Variants in TLK1 observed in about 807,000 individuals in gnomAD.
TLK1 encodes the protein serine/threonine-protein kinase tousled-like 1.
A neutral mutation model predicts 105.3 loss-of-function variants in TLK1; 24 were observed. The observed-to-expected ratio is 0.23, with a 90% CI of 0.17 to 0.32. The LOEUF is 0.32. Ranked by LOEUF, TLK1 falls within the 10% of genes least tolerant of loss-of-function variation. The probability of loss-of-function intolerance (pLI) is 1.00; values close to 1 mark genes in which losing one functional copy is unlikely to be tolerated. For missense variants in TLK1, 558 were observed against 910.5 expected (o/e 0.61, Z 4.98); for synonymous variants, 321 against 310.4 (o/e 1.03, Z -0.36).
At chr2:171,153,196 T>A (rs1268802772) in intron 1 of TLK1, among the ~76,000 whole-genome samples, 2 of 152,302 alleles carry the variant, frequency 1.3e-5, no homozygotes, top group Non-Finnish European at 1.5e-5. Flanking sequence ...CAAATCCCCA[T>A]CATGTACTAC....
chr2:171,131,632 A>C (rs1160392530), intron 1 of TLK1, among the ~76,000 whole-genome samples: 2 of 152,210 alleles, frequency 1.3e-5, no homozygotes, highest in Non-Finnish European at 2.9e-5. Flanking sequence ...CTTATGAACA[A>C]AAGGATATTT....
chr2:171,152,016 G>C (rs946753078), intron 1 of TLK1, among the ~76,000 whole-genome samples: 3 of 152,178 alleles, frequency 2.0e-5, no homozygotes, highest in African/African-American at 7.2e-5. Context: ...AAACCCCTCT[G>C]ACCTTCACCA....
chr2:171,160,298 G>C lies in TLK1; in HGVS notation c.131C>G (p.Pro44Arg). Residue 44 changes from proline (P) to arginine (R), a missense_variant, in exon 1 of 21, where the codon CCC becomes CGC. By Grantham distance (103) the Pro-to-Arg change is moderately radical (BLOSUM62 -2). Transcript: ENST00000431350. The surrounding 1 kb of genome is among the most constrained non-coding windows in gnomAD (Gnocchi z 4.4). ...GGCGCGGCGGTGCTTACCTTCCCTG[G>C]GCCTCCCGGATGGCGGCGTGTGATT... is the stretch of plus-strand genomic sequence containing the variant. Reference protein sequence around the residue: ...LLNHTPPSGRPREGAMDELHS... With the variant: ...LLNHTPPSGRRREGAMDELHS... 6.3e-7 allele frequency: 1 copy of C among 1,583,650 alleles called. No homozygotes were observed. Among genetic ancestry groups the C allele is most frequent in the South Asian group, 1.1e-5 (1 of 88,066 alleles).
chr2:171,112,163 G>A (rs1690204590), intron 2 of TLK1, among the ~76,000 whole-genome samples: 1 of 152,276 alleles, frequency 6.6e-6, no homozygotes, highest in African/African-American at 2.4e-5. Flanking sequence ...TATTGGCCAG[G>A]CTGTTCTCAA....
intron 1 of TLK1, among the ~76,000 whole-genome samples, chr2:171,223,941 G>T (rs1057424579): frequency 1.3e-5 from 2 of 151,768 alleles, no homozygotes; most frequent in Non-Finnish European, 2.9e-5. Context: ...CTGTCCAAAA[G>T]CTTTTTAGTT....
intron 1 of TLK1, among the ~76,000 whole-genome samples, chr2:171,221,493 A>T (rs1461445646): frequency 6.6e-6 from 1 of 152,198 alleles, no homozygotes; most frequent in East Asian, 1.9e-4. Context: ...TAAAAATCCA[A>T]AGCTTTCCAT....
chr2:171,124,205 C>T (rs1690777637), intron 1 of TLK1, among the ~76,000 whole-genome samples: 1 of 152,202 alleles, frequency 6.6e-6, no homozygotes, highest in African/African-American at 2.4e-5. Flanking sequence ...ACTTCTTTGA[C>T]AGCTTGAGAA....
In TLK1 at chr2:171,058,208, A is replaced by G. The variant is rs182943770; in HGVS notation, c.407-11T>C. The G allele has an allele frequency of 9.2e-5, 148 of 1,613,434 alleles. No individual in the cohort carries two copies. In the African/African-American group the frequency reaches 1.8e-3, roughly 20 times the overall value. ...CCCCAATACTTTTTCCTAAAATATA[A>G]GAAGCGCATGATGTTAGTAGGGTAG... On this transcript the variant is annotated splice_polypyrimidine_tract_variant and intron_variant, in intron 4 of 20. Transcript: ENST00000431350.
At chr2:171,093,481 T>C (rs1200592191) in intron 2 of TLK1, among the ~76,000 whole-genome samples, 1 of 152,178 alleles carries the variant, frequency 6.6e-6, no homozygotes, top group Non-Finnish European at 1.5e-5. Flanking sequence ...GTGAACTGTA[T>C]GTTCAAAGGA....
At chr2:171,178,422 A>G (rs1018406297) in intron 1 of TLK1, among the ~76,000 whole-genome samples, 3 of 152,200 alleles carry the variant, frequency 2.0e-5, no homozygotes, top group African/African-American at 7.2e-5. Context: ...TCAGTTACAG[A>G]CAGGAGCTTA....
chr2:171,136,406 AATAC>A (rs1691326133), intron 1 of TLK1, among the ~76,000 whole-genome samples: 2 of 152,208 alleles, frequency 1.3e-5, no homozygotes, highest in Non-Finnish European at 2.9e-5. Context: ...CAACAACAGG[AATAC>A]ACTTAACACT....
intron 1 of TLK1, among the ~76,000 whole-genome samples, chr2:171,226,947 G>C (rs999142850): frequency 7.2e-5 from 11 of 152,110 alleles, no homozygotes; most frequent in African/African-American, 2.7e-4. Flanking sequence ...TTTTTAAAAT[G>C]GAATTAGAAA....
Position 171,123,034 on chromosome 2 carries a change from A to G in TLK1, c.140-5177T>C, listed in dbSNP as rs928940086. Among the ~76,000 whole-genome samples the G allele has an allele frequency of 3.6e-5, 5 of 140,346 alleles. No homozygotes were observed. In the Admixed American group the frequency reaches 3.8e-4, roughly 11 times the overall value. The allele number at this position is 140,346 out of a possible 152,430, so 92.1% of individuals were successfully genotyped here. Reference sequence around the variant, plus strand: ...AGCCTGGGTGACAAGAGAAGACCCTATATGAAAAAATAAATAAATAAATAC... The same window carrying G: ...AGCCTGGGTGACAAGAGAAGACCCTGTATGAAAAAATAAATAAATAAATAC... On this transcript the variant is annotated intron_variant, in intron 1 of 20. Transcript: ENST00000431350.
intron 12 of TLK1, among the ~76,000 whole-genome samples, chr2:171,018,744 C>G (rs1685327535): frequency 6.6e-6 from 1 of 152,146 alleles, no homozygotes; most frequent in Admixed American, 6.5e-5. Flanking sequence ...GTCCTGAATT[C>G]ATACACTAGC....
At chr2:171,086,795 T>G (rs1299155139) in intron 2 of TLK1, among the ~76,000 whole-genome samples, 1 of 152,138 alleles carries the variant, frequency 6.6e-6, no homozygotes, top group Admixed American at 6.5e-5. Context: ...TCTTACTGGC[T>G]TGAAAAACAA....
At chr2:171,034,190 T>C (rs889236556) in intron 11 of TLK1, among the ~76,000 whole-genome samples, 2 of 152,110 alleles carry the variant, frequency 1.3e-5, no homozygotes, top group African/African-American at 4.8e-5. Context: ...CGGTGCAGAA[T>C]GGAAAATAAG....
At chr2:171,168,497 G>A (rs887643138) in intron 1 of TLK1, among the ~76,000 whole-genome samples, 5 of 152,278 alleles carry the variant, frequency 3.3e-5, no homozygotes, top group South Asian at 4.2e-4. Flanking sequence ...TATTCAGGGC[G>A]CTGTGGCTCA....
intron 3 of TLK1, among the ~76,000 whole-genome samples, chr2:171,074,305 T>G (rs1688399802): frequency 1.3e-5 from 2 of 152,318 alleles, no homozygotes; most frequent in South Asian, 2.1e-4. Context: ...GCAACATTGT[T>G]GCATATCATG....
chr2:171,213,580 A>G (rs1693659767), intron 1 of TLK1, among the ~76,000 whole-genome samples: 1 of 151,302 alleles, frequency 6.6e-6, no homozygotes, highest in African/African-American at 2.4e-5. Flanking sequence ...ACACTTTGGG[A>G]GGCTGAGGCG....
Sources: gnomAD v4.1 joint callset for allele counts (sites outside exome capture counted in the v4.1 genomes callset) on GRCh38, gnomAD v4.1.1 for gene constraint, Gnocchi (gnomAD v3.1) non-coding constraint, MANE v1.5 for transcripts, NCBI Gene and HGNC (gene_info 2026-07-23, HGNC 2026-07-21) for gene names.